Variants in CTNND2 observed in about 807,000 individuals in gnomAD.
CTNND2 encodes the protein catenin delta 2.
A neutral mutation model predicts 144.4 loss-of-function variants in CTNND2; 22 were observed. That is an observed-to-expected ratio of 0.15 (90% CI 0.11 to 0.22). CTNND2 has a LOEUF of 0.22. CTNND2 is among the 10% of genes least tolerant of loss of function. The pLI is 1.00. For missense variants in CTNND2, 1,353 were observed against 1,618.8 expected, an observed-to-expected ratio of 0.84 and a Z score of 2.82; for synonymous variants, 751 against 695.6, an observed-to-expected ratio of 1.08 and a Z score of -1.25.
chr5:11,228,707 T>C (rs1740642558), intron 10 of CTNND2, among the ~76,000 whole-genome samples: 2 of 152,002 alleles, frequency 1.3e-5, no homozygotes, highest in Admixed American at 6.6e-5. Flanking sequence ...GCCGGTCTCC[T>C]GAGCTTAAGC....
At chr5:11,793,171 T>C (rs1791227013) in intron 1 of CTNND2, among the ~76,000 whole-genome samples, 1 of 152,220 alleles carries the variant, frequency 6.6e-6, no homozygotes, top group Admixed American at 6.5e-5. Context: ...CGACCCTTAC[T>C]ATAAATGTCC....
At chr5:11,785,063 T>C (rs1469379634) in intron 1 of CTNND2, among the ~76,000 whole-genome samples, 1 of 152,254 alleles carries the variant, frequency 6.6e-6, no homozygotes, top group Non-Finnish European at 1.5e-5. Context: ...ATCTTGCTCA[T>C]AAGTGCATAC....
chr5:11,896,959 T>A (rs1489225230), intron 1 of CTNND2, among the ~76,000 whole-genome samples: 1 of 152,174 alleles, frequency 6.6e-6, no homozygotes, highest in Admixed American at 6.5e-5. Context: ...ACACAAATAA[T>A]CTGATCCAGA....
intron 14 of CTNND2, among the ~76,000 whole-genome samples, chr5:11,100,830 G>C (rs1434731926): frequency 6.6e-6 from 1 of 152,124 alleles, no homozygotes. Context: ...AGTAATATTT[G>C]CATGCTCGTT....
At chr5:11,398,950 G>T (rs938140650) in intron 5 of CTNND2, among the ~76,000 whole-genome samples, 1 of 152,206 alleles carries the variant, frequency 6.6e-6, no homozygotes. Flanking sequence ...GCTGAGATAT[G>T]GGAGAGCCTC....
chr5:11,519,217 T>C (rs991717746), intron 3 of CTNND2, among the ~76,000 whole-genome samples: 2 of 152,220 alleles, frequency 1.3e-5, no homozygotes, highest in African/African-American at 4.8e-5. Flanking sequence ...TCATTCTTAA[T>C]AGCAACAATT....
At chr5:11,694,307 C>T (rs1012559176) in intron 2 of CTNND2, among the ~76,000 whole-genome samples, 9 of 151,576 alleles carry the variant, frequency 5.9e-5, no homozygotes, top group South Asian at 2.1e-4. Flanking sequence ...TGGTGGTGGG[C>T]GCCTGTAGTC....
At chr5:10,993,433 G>A (rs898541442) in intron 18 of CTNND2, among the ~76,000 whole-genome samples, 5 of 152,098 alleles carry the variant, frequency 3.3e-5, no homozygotes, top group African/African-American at 4.8e-5. Context: ...CTGTTAACCT[G>A]TCATGGTATT....
intron 16 of CTNND2, among the ~76,000 whole-genome samples, chr5:11,043,058 T>G (rs1017192376): frequency 1.3e-5 from 2 of 151,884 alleles, no homozygotes; most frequent in Non-Finnish European, 2.9e-5. Flanking sequence ...TGTTAGCTTA[T>G]AAAATTTTTT....
chr5:11,632,256 AGCAG>A (rs925686750), intron 2 of CTNND2, among the ~76,000 whole-genome samples: 1 of 152,194 alleles, frequency 6.6e-6, no homozygotes, highest in African/African-American at 2.4e-5. Flanking sequence ...GACGTATACC[AGCAG>A]GAAGATTCAT....
rs557929324 is a variant in CTNND2 at position 11,021,178 on chromosome 5, C to G, written c.2999+1591G>C. Among the ~76,000 whole-genome samples the G allele has an allele frequency of 3.1e-3, 474 of 152,148 alleles. 2 individuals carry two copies. Among genetic ancestry groups the G allele is most frequent in the Non-Finnish European group, 4.6e-3 (316 of 67,990 alleles). ...TAAAACTTTTTTTTCTCTTTAGGCC[C>G]ATTTAGTGATGCTTATTGCAGTAGG... is the stretch of plus-strand genomic sequence containing the variant. On this transcript the variant is annotated intron_variant, in intron 17 of 21. Coordinates refer to ENST00000304623, the MANE Select transcript of CTNND2 (RefSeq NM_001332.4).
At chr5:11,323,724 T>C (rs1008883064) in intron 9 of CTNND2, among the ~76,000 whole-genome samples, 5 of 152,190 alleles carry the variant, frequency 3.3e-5, no homozygotes, top group Non-Finnish European at 1.5e-5. Flanking sequence ...TTGAAAGCAA[T>C]GGCAAGACTG....
Position 11,541,965 on chromosome 5 carries a change from T to C in CTNND2, c.287+22979A>G, listed in dbSNP as rs78154830. ...GCCTTTGGAGGTTCACAGACCACTA[T>C]AATATCTAAAGTTTTGTGTCCTCCC... On this transcript the variant is annotated intron_variant, in intron 3 of 21. Coordinates refer to ENST00000304623, the MANE Select transcript of CTNND2 (RefSeq NM_001332.4). 5.9e-3 allele frequency among the ~76,000 whole-genome samples: 891 copies of C among 151,312 alleles called. 3 individuals carry two copies. Among genetic ancestry groups the C allele is most frequent in the Non-Finnish European group, 9.9e-3 (672 of 67,898 alleles).
chr5:11,734,593 G>C (rs1787577973), intron 1 of CTNND2, among the ~76,000 whole-genome samples: 1 of 151,842 alleles, frequency 6.6e-6, no homozygotes, highest in Admixed American at 6.5e-5. Flanking sequence ...AGAGTAAACA[G>C]AAATTATTTT....
At chr5:11,492,437 A>G (rs1312793896) in intron 3 of CTNND2, among the ~76,000 whole-genome samples, 1 of 152,012 alleles carries the variant, frequency 6.6e-6, no homozygotes, top group African/African-American at 2.4e-5. Context: ...ATATCTGTAC[A>G]TATGTCTATA....
chr5:11,655,452 C>T (rs758959287), intron 2 of CTNND2, among the ~76,000 whole-genome samples: 1 of 152,006 alleles, frequency 6.6e-6, no homozygotes, highest in African/African-American at 2.4e-5. Context: ...ACTCTGCTCT[C>T]CACAACATGG....
At chr5:11,581,810 G>A (rs183676490) in intron 2 of CTNND2, among the ~76,000 whole-genome samples, 6 of 152,308 alleles carry the variant, frequency 3.9e-5, no homozygotes, top group Admixed American at 1.3e-4. Context: ...TATGCTCAGC[G>A]ATGCAGCTTA....
intron 10 of CTNND2, among the ~76,000 whole-genome samples, chr5:11,218,705 T>C (rs1046025877): frequency 5.3e-5 from 8 of 152,324 alleles, no homozygotes; most frequent in African/African-American, 1.9e-4. Flanking sequence ...CTTAATAATC[T>C]ATAAAGTCAA....
At chr5:11,053,382 A>G (rs1478717904) in intron 16 of CTNND2, among the ~76,000 whole-genome samples, 1 of 152,242 alleles carries the variant, frequency 6.6e-6, no homozygotes, top group Non-Finnish European at 1.5e-5. Context: ...TGAAGAGGGA[A>G]TTCAACTACA....
Sources: allele counts gnomAD v4.1 joint callset (sites outside exome capture counted in the v4.1 genomes callset), GRCh38; gene constraint gnomAD v4.1.1; transcripts MANE v1.5; gene names NCBI Gene and HGNC (gene_info 2026-07-23, HGNC 2026-07-21).